ABTB3: variants seen among roughly 807,000 people sequenced by gnomAD.
The protein encoded by ABTB3 is ankyrin repeat- and BTB/POZ domain-containing protein 3.
chr12:107,375,793 C>T, the ABTB3 span, among the ~76,000 whole-genome samples: 2 of 152,142 alleles, frequency 1.3e-5, no homozygotes, highest in African/African-American at 4.8e-5. Flanking sequence ...TCTTTATGGA[C>T]TTCTCTTCCT....
the ABTB3 span, among the ~76,000 whole-genome samples, chr12:107,462,692 G>C: frequency 6.6e-5 from 10 of 151,758 alleles, no homozygotes; most frequent in African/African-American, 2.4e-4. Context: ...GGTAGTGATG[G>C]TGATGATGGT....
At chr12:107,437,490 G>A in the ABTB3 span, among the ~76,000 whole-genome samples, 1 of 151,824 alleles carries the variant, frequency 6.6e-6, no homozygotes, top group Non-Finnish European at 1.5e-5. Context: ...TCCGCCTCCT[G>A]GGTTCAAGAG....
At chr12:107,547,856 C>T in the ABTB3 span, among the ~76,000 whole-genome samples, 20 of 152,194 alleles carry the variant, frequency 1.3e-4, no homozygotes, top group African/African-American at 4.6e-4. Context: ...CTAAGACATC[C>T]AGTGCCATGC....
chr12:107,378,378 A>C, the ABTB3 span, among the ~76,000 whole-genome samples: 1 of 152,206 alleles, frequency 6.6e-6, no homozygotes, highest in African/African-American at 2.4e-5. Context: ...AGCACTCACC[A>C]TATGCCAGGA....
chr12:107,365,545 G>T, the ABTB3 span, among the ~76,000 whole-genome samples: 5 of 152,142 alleles, frequency 3.3e-5, no homozygotes, highest in African/African-American at 1.2e-4. Context: ...CTCCCAAGTT[G>T]TGGAGGGTTG....
the ABTB3 span, among the ~76,000 whole-genome samples, chr12:107,491,421 T>C: frequency 1.3e-5 from 2 of 152,182 alleles, no homozygotes; most frequent in Non-Finnish European, 2.9e-5. Context: ...AGCCCTTCCC[T>C]TCATACCAGG....
the ABTB3 span, among the ~76,000 whole-genome samples, chr12:107,382,420 A>G: frequency 1.9e-4 from 29 of 152,172 alleles, no homozygotes; most frequent in Non-Finnish European, 3.8e-4. Flanking sequence ...CTTTGTAGCA[A>G]TTGTGAATGG....
At chr12:107,445,772 TTG>T in the ABTB3 span, among the ~76,000 whole-genome samples, 59 of 152,198 alleles carry the variant, frequency 3.9e-4, no homozygotes, top group African/African-American at 1.3e-3. Flanking sequence ...ATCCACCTCC[TTG>T]TCTTTTTGAA....
At chr12:107,405,517 T>G in the ABTB3 span, among the ~76,000 whole-genome samples, 1 of 152,206 alleles carries the variant, frequency 6.6e-6, no homozygotes, top group African/African-American at 2.4e-5. Flanking sequence ...CTCCGAGCAG[T>G]GGGGCAGGCA....
At chr12:107,508,438 C>CTTTTTTTTTTTTTTTTTTTTT in the ABTB3 span, among the ~76,000 whole-genome samples, 27 of 69,158 alleles carry the variant, frequency 3.9e-4, 6 homozygotes, top group Non-Finnish European at 4.9e-4. Flanking sequence ...AAGATCATTT[C>CTTTTTTTTTTTTTTTTTTTTT]TTTTTTTTTT....
At chr12:107,402,142 T>A in the ABTB3 span, among the ~76,000 whole-genome samples, 1 of 152,180 alleles carries the variant, frequency 6.6e-6, no homozygotes, top group Non-Finnish European at 1.5e-5. Flanking sequence ...GCAGCAACAA[T>A]GGAAAGTGGA....
the ABTB3 span, among the ~76,000 whole-genome samples, chr12:107,328,553 C>A: frequency 4.6e-5 from 7 of 152,184 alleles, no homozygotes; most frequent in Non-Finnish European, 8.8e-5. Flanking sequence ...ATTTTATCCA[C>A]AGGGGGAACT....
At chr12:107,369,392 G>GTT in the ABTB3 span, among the ~76,000 whole-genome samples, 41,263 of 134,498 alleles carry the variant, frequency 0.31, 7,163 homozygotes, top group African/African-American at 0.48. Context: ...TCAAACAAGG[G>GTT]TTTTTTTTTT....
the ABTB3 span, chr12:107,520,744 C>T: frequency 2.1e-6 from 3 of 1,406,654 alleles, no homozygotes; most frequent in African/African-American, 2.8e-5. Flanking sequence ...ATTTTGTAAT[C>T]AGCGGGGTGA....
chr12:107,349,821 C>A, the ABTB3 span, among the ~76,000 whole-genome samples: 1 of 152,130 alleles, frequency 6.6e-6, no homozygotes, highest in Non-Finnish European at 1.5e-5. Context: ...TAAAAAATGC[C>A]TTTCTTGGAG....
the ABTB3 span, among the ~76,000 whole-genome samples, chr12:107,515,165 A>C: frequency 2.1e-4 from 32 of 152,304 alleles, no homozygotes; most frequent in Admixed American, 3.3e-4. Flanking sequence ...CAGAGCTAAG[A>C]CTGAAGCTCT....
At chr12:107,452,044 A>G in the ABTB3 span, among the ~76,000 whole-genome samples, 31 of 152,116 alleles carry the variant, frequency 2.0e-4, no homozygotes, top group African/African-American at 7.5e-4. Context: ...TTGTTGATTT[A>G]CTTCTCTGCC....
At chr12:107,517,475 CGATATT>C in the ABTB3 span, among the ~76,000 whole-genome samples, 7 of 152,254 alleles carry the variant, frequency 4.6e-5, no homozygotes, top group African/African-American at 1.7e-4. Context: ...GCCATTTTCA[CGATATT>C]GATTCTTCCT....
At chr12:107,654,813 T>TAC in the ABTB3 span, among the ~76,000 whole-genome samples, 4 of 96,078 alleles carry the variant, frequency 4.2e-5, no homozygotes, top group African/African-American at 2.2e-4. Context: ...GTCTACATTG[T>TAC]ATACACACAC....
Sources: allele counts gnomAD v4.1 joint callset (sites outside exome capture counted in the v4.1 genomes callset), GRCh38; gene constraint gnomAD v4.1.1; transcripts MANE v1.5; gene names NCBI Gene and HGNC (gene_info 2026-07-23, HGNC 2026-07-21).